Variants in CNNM1 observed in about 807,000 individuals in gnomAD.
CNNM1 encodes the protein metal transporter CNNM1.
A neutral mutation model predicts 78.8 loss-of-function variants in CNNM1; 44 were observed. That is an observed-to-expected ratio of 0.56 (90% CI 0.44 to 0.72). CNNM1 has a LOEUF of 0.72. Ranked by LOEUF, CNNM1 falls within the 30% of genes least tolerant of loss-of-function variation. CNNM1 has a pLI of 0.00. For missense variants in CNNM1, 1,101 were observed against 1,292.2 expected (o/e 0.85, Z 2.27); for synonymous variants, 584 against 581.5 (o/e 1.00, Z -0.06).
rs374706573 is a variant in CNNM1, at chr10:99,356,576, G to GAAAAGAAAAGAAAGAAAGAAAGAA, written c.1574-933_1574-932insAGAAAAGAAAGAAAGAAAGAAAAA. On this transcript the variant is annotated intron_variant, in intron 1 of 10. Transcript: ENST00000356713. ...AGACAGACAGACAGAAAGAAAGAAA[G>GAAAAGAAAAGAAAGAAAGAAAGAA]AAAGAAAGAAAGAAAGAAAGAAAGA... 7.1e-4 allele frequency among the ~76,000 whole-genome samples: 64 copies of GAAAAGAAAAGAAAGAAAGAAAGAA among 90,540 alleles called. 1 individual carries two copies. The highest frequency in any genetic ancestry group is 1.4e-3 in the Non-Finnish European group (54 of 38,692). The allele number at this position is 90,540 out of a possible 152,430, so 59.4% of individuals were successfully genotyped here. A position where few individuals can be genotyped will look rare whatever the true frequency, so the allele number is the denominator to read the frequency against.
chr10:99,358,351 A>G (rs547382112), intron 2 of CNNM1, among the ~76,000 whole-genome samples: 6 of 152,338 alleles, frequency 3.9e-5, no homozygotes, highest in Middle Eastern at 3.4e-3. Context: ...GCTTGCAAAC[A>G]TTACAAAGGC....
intron 1 of CNNM1, among the ~76,000 whole-genome samples, chr10:99,345,898 T>G (rs2030673338): frequency 1.3e-5 from 2 of 152,186 alleles, no homozygotes; most frequent in African/African-American, 4.8e-5. Flanking sequence ...TCTTACCATG[T>G]TGCCCAGGGT....
At chr10:99,365,257 G>T in intron 6 of CNNM1, 1 of 594,928 alleles carries the variant, frequency 1.7e-6, no homozygotes, top group South Asian at 1.9e-5. Context: ...GGTTGTGAGG[G>T]AAGGCACTGC....
intron 1 of CNNM1, among the ~76,000 whole-genome samples, chr10:99,356,605 A>AAAAGAAAAGAAAAG (rs1554940116): frequency 1.6e-4 from 9 of 56,396 alleles, no homozygotes; most frequent in South Asian, 9.2e-4. Context: ...AGAAAGAAAG[A>AAAAGAAAAGAAAAG]AAAGAAAGAA....
chr10:99,384,696 A>C (rs1373467200), intron 7 of CNNM1, among the ~76,000 whole-genome samples: 1 of 152,166 alleles, frequency 6.6e-6, no homozygotes, highest in East Asian at 1.9e-4. Context: ...TTCCTCCCTG[A>C]CAATGCTTAA....
chr10:99,381,377 C>G (rs1307553633), intron 7 of CNNM1, among the ~76,000 whole-genome samples: 2 of 145,570 alleles, frequency 1.4e-5, no homozygotes, highest in Non-Finnish European at 1.5e-5. Flanking sequence ...CCATTGCACT[C>G]CACCTGAGCG....
intron 10 of CNNM1, among the ~76,000 whole-genome samples, chr10:99,391,033 T>TACAGCC (rs2032457494): frequency 6.6e-6 from 1 of 152,258 alleles, no homozygotes; most frequent in African/African-American, 2.4e-5. Flanking sequence ...GGCTTGCAGC[T>TACAGCC]ACAGCCACCA....
chr10:99,334,748 A>G (rs1431185272), intron 1 of CNNM1, among the ~76,000 whole-genome samples: 8 of 152,288 alleles, frequency 5.3e-5, no homozygotes, highest in Non-Finnish European at 1.2e-4. Context: ...TAACGTAACC[A>G]CCAACAAATC....
At chr10:99,354,285 A>C (rs919312699) in intron 1 of CNNM1, among the ~76,000 whole-genome samples, 9 of 152,318 alleles carry the variant, frequency 5.9e-5, no homozygotes, top group African/African-American at 2.2e-4. Flanking sequence ...CTTTGGCCAA[A>C]CTGGGTAGGA....
chr10:99,330,415 C>A lies in CNNM1; in HGVS notation c.1028C>A (p.Pro343His). Reference sequence around the variant, plus strand: ...GTATTCCTGGGCGCCGAAATCTGCCCCTACTCAGTGTGTTCGCGGCACGGG... The same window carrying A: ...GTATTCCTGGGCGCCGAAATCTGCCACTACTCAGTGTGTTCGCGGCACGGG... ...GAVFLGAEIC[P>H]YSVCSRHGLA... Residue 343 changes from proline to histidine, a missense_variant, in exon 1 of 11, where the codon CCC becomes CAC. By Grantham distance (77) the Pro-to-His change is moderately conservative. Coordinates refer to ENST00000356713, the MANE Select transcript of CNNM1 (RefSeq NM_020348.3). 1.3e-6 allele frequency: 2 copies of A among 1,593,958 alleles called. No individual in the cohort carries two copies. The highest frequency in any genetic ancestry group is 2.3e-5 in the South Asian group (2 of 87,762).
At chr10:99,331,501 A>C (rs1420962510) in intron 1 of CNNM1, among the ~76,000 whole-genome samples, 1 of 152,062 alleles carries the variant, frequency 6.6e-6, no homozygotes, top group African/African-American at 2.4e-5. Context: ...CATGTAGACT[A>C]AACCCAGACA....
intron 1 of CNNM1, among the ~76,000 whole-genome samples, chr10:99,345,822 C>T (rs148406538): frequency 0.013 from 1,960 of 152,146 alleles, 58 homozygotes; most frequent in Admixed American, 0.056. Context: ...ATTCTTGGAA[C>T]GGTTATTTTA....
chr10:99,359,923 C>CAAAAAAAAAAAA (rs71009748), intron 2 of CNNM1, among the ~76,000 whole-genome samples: 2 of 115,364 alleles, frequency 1.7e-5, no homozygotes. Context: ...TTTCCTCTAC[C>CAAAAAAAAAAAA]AAAAAAAAAA....
At chr10:99,333,878 C>T (rs891759053) in intron 1 of CNNM1, among the ~76,000 whole-genome samples, 18 of 152,008 alleles carry the variant, frequency 1.2e-4, no homozygotes, top group African/African-American at 2.4e-5. Flanking sequence ...TAAACCTGGT[C>T]GAAAAAAGCT....
chr10:99,385,069 T>TA lies in CNNM1; in HGVS notation c.2341-2744dup, dbSNP rs1310447001. ...CTCCATCTCAAAAAAAAAAAAAAAT[T>TA]AAAAAAAGAGTGGTACAACTCACTG... On this transcript the variant is annotated intron_variant, in intron 7 of 10. Transcript: ENST00000356713. Among the ~76,000 whole-genome samples the TA allele has an allele frequency of 7.3e-5, 11 of 150,400 alleles. No individual in the cohort carries two copies. The East Asian group carries it at 2.1e-3, about 29-fold the overall frequency.
intron 9 of CNNM1, among the ~76,000 whole-genome samples, chr10:99,389,541 C>CT (rs1392257057): frequency 6.6e-6 from 1 of 151,818 alleles, no homozygotes; most frequent in Non-Finnish European, 1.5e-5. Flanking sequence ...ACTGATGTTC[C>CT]TTTTCTGCCC....
At chr10:99,374,950 G>A (rs1412068989) in intron 6 of CNNM1, among the ~76,000 whole-genome samples, 1 of 152,220 alleles carries the variant, frequency 6.6e-6, no homozygotes, top group East Asian at 1.9e-4. Flanking sequence ...GAGAACAGGA[G>A]GAATCTTCCT....
At position 99,392,536 on chromosome 10, in the gene CNNM1, C is replaced by A. The variant is rs936155573; in HGVS notation, c.*1020C>A. 8.5e-5 allele frequency: 13 copies of A among 152,536 alleles called. 1 individual carries two copies. The highest frequency in any genetic ancestry group is 8.5e-4 in the Admixed American group (13 of 15,278). The allele number at this position is 152,536 out of a possible 1,614,324, so 9.4% of individuals were successfully genotyped here. On this transcript the variant is annotated 3_prime_UTR_variant, in exon 11 of 11. Coordinates refer to ENST00000356713, the MANE Select transcript of CNNM1 (RefSeq NM_020348.3). ...TCATGCATTTGTCCTTCTCCCACCC[C>A]CTTACTACACCCTAGCAGATCAGCT...
At chr10:99,384,268 C>T (rs1429648568) in intron 7 of CNNM1, among the ~76,000 whole-genome samples, 1 of 152,126 alleles carries the variant, frequency 6.6e-6, no homozygotes, top group Non-Finnish European at 1.5e-5. Flanking sequence ...AGAGTTGCTT[C>T]CCTGGATACA....
Sources: allele counts gnomAD v4.1 joint callset (sites outside exome capture counted in the v4.1 genomes callset), GRCh38; gene constraint gnomAD v4.1.1; transcripts MANE v1.5; gene names NCBI Gene and HGNC (gene_info 2026-07-23, HGNC 2026-07-21).